TAFA2: variants seen among roughly 807,000 people sequenced by gnomAD.
TAFA2 encodes chemokine-like protein TAFA-2.
Under a neutral mutation model 18.8 loss-of-function variants are expected in TAFA2, and 7 were observed. That is an observed-to-expected ratio of 0.37 (90% CI 0.21 to 0.70). TAFA2 has a LOEUF of 0.70. Among genes scored for constraint, TAFA2 ranks in the 30% least tolerant of loss-of-function variants. The pLI is 0.53. For synonymous variants in TAFA2, 60 were observed against 54.2 expected, an observed-to-expected ratio of 1.11 and a Z score of -0.47; for missense variants, 122 against 158.1, an observed-to-expected ratio of 0.77 and a Z score of 1.23.
At chr12:62,084,688 AAAG>A (rs1220172500) in intron 1 of TAFA2, among the ~76,000 whole-genome samples, 1 of 152,208 alleles carries the variant, frequency 6.6e-6, no homozygotes, top group Non-Finnish European at 1.5e-5. Context: ...AAAACTGGAC[AAAG>A]AAGTAGTAGA....
At chr12:61,925,413 G>C (rs1877245915) in intron 1 of TAFA2, among the ~76,000 whole-genome samples, 1 of 152,156 alleles carries the variant, frequency 6.6e-6, no homozygotes, top group Non-Finnish European at 1.5e-5. Flanking sequence ...AATCAAATTA[G>C]AACTCAGGAT....
At chr12:61,730,262 T>C (rs1870377419) in intron 4 of TAFA2, among the ~76,000 whole-genome samples, 1 of 152,122 alleles carries the variant, frequency 6.6e-6, no homozygotes, top group Admixed American at 6.6e-5. Context: ...GCCAGGATGT[T>C]ATAGGCAGTG....
At chr12:61,994,308 G>A (rs1880110533) in intron 1 of TAFA2, among the ~76,000 whole-genome samples, 1 of 151,942 alleles carries the variant, frequency 6.6e-6, no homozygotes, top group African/African-American at 2.4e-5. Flanking sequence ...CTTCTCTCTT[G>A]ATACACTGAG....
intron 1 of TAFA2, among the ~76,000 whole-genome samples, chr12:62,106,589 T>C (rs1869464961): frequency 6.6e-6 from 1 of 152,134 alleles, no homozygotes; most frequent in Non-Finnish European, 1.5e-5. Flanking sequence ...TTTGGCAAAT[T>C]AAAAGAAAGC....
intron 1 of TAFA2, among the ~76,000 whole-genome samples, chr12:61,984,198 A>C (rs1216368196): frequency 6.6e-6 from 1 of 152,274 alleles, no homozygotes; most frequent in Non-Finnish European, 1.5e-5. Flanking sequence ...CAGTATGTAG[A>C]ACAGTGCCTA....
intron 1 of TAFA2, among the ~76,000 whole-genome samples, chr12:61,942,071 G>C (rs1333731014): frequency 6.6e-6 from 1 of 151,590 alleles, no homozygotes; most frequent in Non-Finnish European, 1.5e-5. Flanking sequence ...GCCTTGAAGA[G>C]AGCAGTGGTT....
At chr12:62,096,870 T>C (rs1268131018) in intron 1 of TAFA2, among the ~76,000 whole-genome samples, 5 of 152,096 alleles carry the variant, frequency 3.3e-5, no homozygotes, top group Non-Finnish European at 7.4e-5. Flanking sequence ...GAGCAGCAGG[T>C]ACACATACCT....
chr12:62,132,897 CAGAAGTCTAGATTCAGATTAT>C (rs1425212023), intron 1 of TAFA2, among the ~76,000 whole-genome samples: 16 of 151,924 alleles, frequency 1.1e-4, no homozygotes, highest in Non-Finnish European at 2.1e-4. Context: ...ATATATTTTG[CAGAAGTCTAGATTCAGATTAT>C]ATAAAATTAT....
upstream of TAFA2, among the ~76,000 whole-genome samples, chr12:62,196,303 C>G (rs1289721082): frequency 6.6e-6 from 1 of 152,314 alleles, no homozygotes; most frequent in South Asian, 2.1e-4. Context: ...TGTTTTGCTT[C>G]CTTATCATTG....
chr12:62,033,329 A>G (rs1364456518), intron 1 of TAFA2, among the ~76,000 whole-genome samples: 1 of 152,224 alleles, frequency 6.6e-6, no homozygotes, highest in Non-Finnish European at 1.5e-5. Flanking sequence ...CCCTAATATT[A>G]GGAAATAGAT....
intron 1 of TAFA2, among the ~76,000 whole-genome samples, chr12:61,874,659 G>T (rs1164745599): frequency 1.3e-5 from 2 of 152,112 alleles, no homozygotes; most frequent in African/African-American, 2.4e-5. Flanking sequence ...ATATGGAATA[G>T]AAATGTATTA....
intron 1 of TAFA2, among the ~76,000 whole-genome samples, chr12:62,103,951 A>G (rs950628196): frequency 3.3e-5 from 5 of 152,180 alleles, no homozygotes; most frequent in Admixed American, 6.5e-5. Flanking sequence ...GTGCCTGTGT[A>G]CTGCAGTACA....
At chr12:61,897,194 A>T (rs1353201005) in intron 1 of TAFA2, among the ~76,000 whole-genome samples, 1 of 152,218 alleles carries the variant, frequency 6.6e-6, no homozygotes, top group Admixed American at 6.5e-5. Context: ...ACCCATGTAG[A>T]GTGGATGTGC....
At chr12:61,914,518 A>G (rs1876740116) in intron 1 of TAFA2, among the ~76,000 whole-genome samples, 1 of 152,158 alleles carries the variant, frequency 6.6e-6, no homozygotes, top group South Asian at 2.1e-4. Flanking sequence ...AATTAAAATG[A>G]CTGGTGTTAT....
chr12:62,030,153 C>T (rs1881418956), intron 1 of TAFA2, among the ~76,000 whole-genome samples: 1 of 152,150 alleles, frequency 6.6e-6, no homozygotes, highest in Non-Finnish European at 1.5e-5. Flanking sequence ...CAAAGACACA[C>T]TGGCATCCTT....
At chr12:62,207,945 C>T (rs1592401173) in intron 1 of TAFA2, among the ~76,000 whole-genome samples, 2 of 152,144 alleles carry the variant, frequency 1.3e-5, no homozygotes. Context: ...CCTTCAATCC[C>T]AGGTCTTTAA....
At chr12:62,250,776 C>A (rs1217903253) in intron 1 of TAFA2, among the ~76,000 whole-genome samples, 1 of 152,166 alleles carries the variant, frequency 6.6e-6, no homozygotes, top group Non-Finnish European at 1.5e-5. Flanking sequence ...CTTCCCCTCT[C>A]CTACAGAAGG....
At chr12:61,780,840 C>T (rs1263314869) in intron 2 of TAFA2, among the ~76,000 whole-genome samples, 4 of 151,716 alleles carry the variant, frequency 2.6e-5, no homozygotes, top group Admixed American at 2.6e-4. Context: ...TTGCAACGGT[C>T]TTAAATAAAG....
At chr12:62,148,213 T>C (rs187946963) in intron 1 of TAFA2, among the ~76,000 whole-genome samples, 70 of 152,130 alleles carry the variant, frequency 4.6e-4, no homozygotes, top group African/African-American at 1.5e-3. Flanking sequence ...CAAAGGAAAA[T>C]AAGTCATTCT....
Sources: gnomAD v4.1 joint callset for allele counts (sites outside exome capture counted in the v4.1 genomes callset) on GRCh38, gnomAD v4.1.1 for gene constraint, MANE v1.5 for transcripts, NCBI Gene and HGNC (gene_info 2026-07-23, HGNC 2026-07-21) for gene names.